SBNO1: variants seen among roughly 807,000 people sequenced by gnomAD.
The protein encoded by SBNO1 is protein strawberry notch homolog 1.
SBNO1 carries 23 observed loss-of-function variants against 173.6 expected under a neutral mutation model. The observed-to-expected ratio is 0.13, with a 90% CI of 0.10 to 0.19. SBNO1 has a LOEUF of 0.19. SBNO1 is among the 10% of genes least tolerant of loss of function. The pLI, the probability that SBNO1 is intolerant of heterozygous loss-of-function variation, is 1.00. For missense variants in SBNO1, 1,238 were observed against 1,671.2 expected (o/e 0.74, Z 4.52); for synonymous variants, 632 against 571.5 (o/e 1.11, Z -1.51).
At chr12:123,325,409 C>G in intron 15 of SBNO1, 93 bp downstream of exon 15, 1 of 845,292 alleles carries the variant, frequency 1.2e-6, no homozygotes, top group Non-Finnish European at 1.9e-6. Context: ...GCAGGTGAAA[C>G]AAAAGTTTTG....
chr12:123,319,213 T>C lies in SBNO1; in HGVS notation c.2799+687A>G, dbSNP rs1032120423. Among the ~76,000 whole-genome samples, 4 of 151,872 alleles carry C rather than the reference T, an allele frequency of 2.6e-5. No individual in the cohort carries two copies. The South Asian group carries it at 6.2e-4, about 24-fold the overall frequency. ...AACTCCTGACCTCATGATCTGCCCA[T>C]CTCGGCCTCCCAAAGTGCTGGGATT... On this transcript the variant is annotated intron_variant, in intron 20 of 31. Transcript: ENST00000602398.
chr12:123,342,259 T>C (rs1337935336), intron 4 of SBNO1, among the ~76,000 whole-genome samples: 2 of 150,820 alleles, frequency 1.3e-5, no homozygotes, highest in African/African-American at 4.9e-5. Flanking sequence ...TCAAAAAAAT[T>C]AATTAATTAA....
intron 2 of SBNO1, among the ~76,000 whole-genome samples, chr12:123,348,459 TA>T (rs1413168141): frequency 1.3e-5 from 2 of 151,950 alleles, no homozygotes; most frequent in African/African-American, 2.4e-5. Flanking sequence ...CCATCTCTAC[TA>T]AAACACAAAA....
At chr12:123,339,857 C>T (rs975043688) in intron 5 of SBNO1, among the ~76,000 whole-genome samples, 1 of 152,154 alleles carries the variant, frequency 6.6e-6, no homozygotes, top group Non-Finnish European at 1.5e-5. Context: ...ATTCCCACTT[C>T]TTTCTACAAG....
intron 6 of SBNO1, among the ~76,000 whole-genome samples, chr12:123,334,961 G>A (rs971456029): frequency 6.6e-6 from 1 of 152,202 alleles, no homozygotes; most frequent in African/African-American, 2.4e-5. Context: ...GGCCAAAGCA[G>A]GAGTATCATT....
rs2138851035 is a variant in SBNO1, at chr12:123,292,577, A to T, written c.*3331T>A. The T allele has an allele frequency of 6.6e-6, 1 of 152,324 alleles. No homozygotes were observed. The highest frequency in any genetic ancestry group is 2.1e-4 in the South Asian group (1 of 4,828). 9.4% of individuals were successfully genotyped at this position (152,324 alleles called of 1,614,324 possible). ...GAATGCCCCAGGGACTACAGCCAGA[A>T]AATTGTGCCTGTAAAATATCATATT... On this transcript the variant is annotated 3_prime_UTR_variant, in exon 32 of 32. Transcript: ENST00000602398.
At chr12:123,321,418 C>A in intron 17 of SBNO1, 117 bp downstream of exon 17, 1 of 778,746 alleles carries the variant, frequency 1.3e-6, no homozygotes, top group Non-Finnish European at 2.0e-6. Context: ...TTCCACCAAG[C>A]AAAGATTATA....
At chr12:123,341,552 A>AC (rs1281030734) in intron 4 of SBNO1, among the ~76,000 whole-genome samples, 1 of 151,898 alleles carries the variant, frequency 6.6e-6, no homozygotes, top group Non-Finnish European at 1.5e-5. Flanking sequence ...TTGGAGTTTC[A>AC]CTCTTGTTGC....
intron 5 of SBNO1, among the ~76,000 whole-genome samples, chr12:123,337,875 T>G (rs536695557): frequency 5.9e-5 from 9 of 152,308 alleles, no homozygotes; most frequent in Non-Finnish European, 1.0e-4. Context: ...CCATCCTTTA[T>G]TCTCCTACCT....
chr12:123,314,906 A>ATTT lies in SBNO1; in HGVS notation c.3120+464_3120+466dup, dbSNP rs760653627. The stretch of plus-strand genomic sequence containing the variant: ...CAACTGATCCCGGCCTAATTTTTGT[A>ATTT]TTTTTTTTTTTTTTTTAGTACAGAT... On this transcript the variant is annotated intron_variant, in intron 23 of 31. Transcript: ENST00000602398. Among the ~76,000 whole-genome samples, 43 of 129,344 alleles carry ATTT rather than the reference A, an allele frequency of 3.3e-4. 1 individual carries two copies. In the East Asian group the frequency reaches 6.2e-3, roughly 19 times the overall value. 84.9% of individuals were successfully genotyped at this position (129,344 alleles called of 152,430 possible).
At chr12:123,363,868 C>G in intron 1 of SBNO1, 1 of 985,540 alleles carries the variant, frequency 1.0e-6, no homozygotes, top group South Asian at 4.7e-5. Context: ...ATGCCAGGGT[C>G]AGGAAAGAAA....
Position 123,290,766 on chromosome 12 carries a change from C to T in SBNO1, c.*5142G>A, listed in dbSNP as rs1020406465. ...TCTTTTTTTTTTTTCGAGACGGAGT[C>T]TCGGTCTGTTGCCCAGGCTGGAGTG... On this transcript the variant is annotated 3_prime_UTR_variant, in exon 32 of 32. Coordinates refer to ENST00000602398, the MANE Select transcript of SBNO1 (RefSeq NM_001167856.3). 1 of 151,522 alleles carries T rather than the reference C, an allele frequency of 6.6e-6. No individual in the cohort carries two copies. The highest frequency in any genetic ancestry group is 1.5e-5 in the Non-Finnish European group (1 of 68,060). 9.4% of individuals were successfully genotyped at this position (151,522 alleles called of 1,614,324 possible).
intron 1 of SBNO1, among the ~76,000 whole-genome samples, chr12:123,351,036 C>A (rs1593411334): frequency 6.6e-6 from 1 of 152,094 alleles, no homozygotes; most frequent in Non-Finnish European, 1.5e-5. Context: ...GCAGGAAAAA[C>A]CACTTGAACC....
intron 19 of SBNO1, 152 bp from the exon 20 acceptor site, chr12:123,320,183 G>GA (rs1159621344): frequency 4.2e-6 from 4 of 946,108 alleles, no homozygotes; most frequent in Non-Finnish European, 6.2e-6. Context: ...AGAGTCCCTG[G>GA]AAAAACCTTG....
rs1436538217 is a variant in SBNO1 at position 123,345,624 on chromosome 12, G to C, written c.238-54C>G. 18 of 1,440,276 alleles carry C rather than the reference G, an allele frequency of 1.2e-5. No homozygotes were observed. The Middle Eastern group carries it at 5.3e-4, about 43-fold the overall frequency. The allele number at this position is 1,440,276 out of a possible 1,614,324, so 89.2% of individuals were successfully genotyped here. A position where few individuals can be genotyped will look rare whatever the true frequency, so the allele number is the denominator to read the frequency against. ...GAAAAATGCTTCATTCTCTAATGAAGCTTATATCCACAAACCTGGAAGGAC... is the reference window on the plus strand; with the variant it reads ...GAAAAATGCTTCATTCTCTAATGAACCTTATATCCACAAACCTGGAAGGAC... On this transcript the variant is annotated intron_variant, in intron 3 of 31. Coordinates refer to ENST00000602398, the MANE Select transcript of SBNO1 (RefSeq NM_001167856.3).
chr12:123,311,750 T>TATATATA (rs1566027879), intron 24 of SBNO1, among the ~76,000 whole-genome samples: 6 of 131,514 alleles, frequency 4.6e-5, no homozygotes, highest in South Asian at 2.3e-4. Context: ...ATATATATAT[T>TATATATA]TTTGCGACAG....
intron 15 of SBNO1, 145 bp downstream of exon 15, chr12:123,325,357 C>A (rs976484456): frequency 6.5e-6 from 4 of 611,460 alleles, no homozygotes; most frequent in African/African-American, 5.6e-5. Flanking sequence ...TACACTGTTA[C>A]AGAAAAGCAG....
intron 21 of SBNO1, among the ~76,000 whole-genome samples, chr12:123,315,957 T>A (rs555794147): frequency 6.6e-6 from 1 of 152,294 alleles, no homozygotes; most frequent in South Asian, 2.1e-4. Context: ...GGAGGAGCTA[T>A]GGGCCTTTGG....
intron 4 of SBNO1, among the ~76,000 whole-genome samples, chr12:123,344,450 C>G (rs909335241): frequency 6.6e-6 from 1 of 152,188 alleles, no homozygotes; most frequent in African/African-American, 2.4e-5. Flanking sequence ...ACCAGATGAT[C>G]TGAAAATTTT....
Sources: allele counts gnomAD v4.1 joint callset (sites outside exome capture counted in the v4.1 genomes callset), GRCh38; gene constraint gnomAD v4.1.1; transcripts MANE v1.5; gene names NCBI Gene and HGNC (gene_info 2026-07-23, HGNC 2026-07-21).